Variants in SMAD2 observed in about 807,000 individuals in gnomAD.
SMAD2 encodes MAD homolog 2.
Under a neutral mutation model 64.4 loss-of-function variants are expected in SMAD2, and 8 were observed. The ratio of observed to expected loss-of-function variants is 0.12; its 90% confidence interval spans 0.07 to 0.22. The LOEUF (loss-of-function observed/expected upper bound fraction) is 0.22. SMAD2 is among the 10% of genes least tolerant of loss of function. The pLI, the probability that SMAD2 is intolerant of heterozygous loss-of-function variation, is 1.00. For missense variants in SMAD2, 289 were observed against 561.2 expected (o/e 0.51, Z 4.90); for synonymous variants, 203 against 195.8 (o/e 1.04, Z -0.31).
intron 2 of SMAD2, among the ~76,000 whole-genome samples, chr18:47,876,389 CT>C (rs1318671464): frequency 6.6e-6 from 1 of 151,966 alleles, no homozygotes; most frequent in Non-Finnish European, 1.5e-5. Context: ...AATGATGTCC[CT>C]GCATCAATAT....
chr18:47,922,252 C>T (rs1217595876), intron 1 of SMAD2, among the ~76,000 whole-genome samples: 1 of 152,144 alleles, frequency 6.6e-6, no homozygotes, highest in Admixed American at 6.6e-5. Flanking sequence ...AACAAAAATA[C>T]TTTAAATATG....
intron 2 of SMAD2, among the ~76,000 whole-genome samples, chr18:47,878,706 A>G (rs1458473320): frequency 6.6e-6 from 1 of 152,226 alleles, no homozygotes; most frequent in Non-Finnish European, 1.5e-5. Flanking sequence ...ACAGTTTCTA[A>G]GTATTTATTC....
At chr18:47,885,132 T>TAC (rs57342899) in intron 2 of SMAD2, among the ~76,000 whole-genome samples, 130 of 142,156 alleles carry the variant, frequency 9.1e-4, no homozygotes, top group African/African-American at 2.0e-3. Flanking sequence ...TTTAGTCATA[T>TAC]ACACACACAC....
In SMAD2 at chr18:47,823,052, A is replaced by G. The variant is rs577504185; in HGVS notation, c.*18775T>C. ...AGTTCAATAAAAATCGGCTCTCGTTATAACAGGATACAATTGGAAACACTG... is the reference window on the plus strand; with the variant it reads ...AGTTCAATAAAAATCGGCTCTCGTTGTAACAGGATACAATTGGAAACACTG... On this transcript the variant is annotated 3_prime_UTR_variant, in exon 11 of 11. Coordinates refer to ENST00000262160, the MANE Select transcript of SMAD2 (RefSeq NM_005901.6). The G allele has an allele frequency of 7.2e-5, 11 of 152,346 alleles. No homozygotes were observed. The East Asian group carries it at 9.7e-4, about 13-fold the overall frequency. The allele number at this position is 152,346 out of a possible 1,614,324, so 9.4% of individuals were successfully genotyped here. A position where few individuals can be genotyped will look rare whatever the true frequency, so the allele number is the denominator to read the frequency against.
intron 10 of SMAD2, among the ~76,000 whole-genome samples, chr18:47,842,403 G>A (rs1202815694): frequency 3.9e-5 from 6 of 152,096 alleles, no homozygotes; most frequent in Non-Finnish European, 8.8e-5. Context: ...AGCTGGGCGT[G>A]GTGGCGTGTG....
chr18:47,845,638 T>C (rs184394581), intron 9 of SMAD2, 25 bp downstream of exon 9: 1 of 1,612,760 alleles, frequency 6.2e-7, no homozygotes, highest in East Asian at 2.2e-5. Flanking sequence ...ACATGATAGG[T>C]TTATGTACAT....
intron 1 of SMAD2, among the ~76,000 whole-genome samples, chr18:47,917,024 TTTG>T (rs934630130): frequency 6.6e-6 from 1 of 152,030 alleles, no homozygotes; most frequent in Admixed American, 6.5e-5. Flanking sequence ...TGACACTATT[TTTG>T]TTGTCGTTGT....
chr18:47,885,174 CACACACACATAT>C (rs1320854768), intron 2 of SMAD2, among the ~76,000 whole-genome samples: 2 of 116,396 alleles, frequency 1.7e-5, no homozygotes, highest in African/African-American at 6.1e-5. Context: ...CACACACACA[CACACACACATAT>C]ACCCTCCCCC....
At chr18:47,906,343 A>G (rs191971240) in intron 1 of SMAD2, among the ~76,000 whole-genome samples, 2 of 152,328 alleles carry the variant, frequency 1.3e-5, no homozygotes, top group Non-Finnish European at 2.9e-5. Flanking sequence ...GGATACTCAA[A>G]TCTGTGTATG....
At chr18:47,877,470 A>AT (rs2032331687) in intron 2 of SMAD2, among the ~76,000 whole-genome samples, 1 of 152,078 alleles carries the variant, frequency 6.6e-6, no homozygotes, top group South Asian at 2.1e-4. Context: ...CACTGTAATA[A>AT]TTTTTTTAAG....
chr18:47,901,846 G>C (rs953066109), intron 1 of SMAD2, among the ~76,000 whole-genome samples: 1 of 152,146 alleles, frequency 6.6e-6, no homozygotes, highest in Non-Finnish European at 1.5e-5. Context: ...AGAGACTTCT[G>C]GTTTAGCTCT....
Position 47,834,503 on chromosome 18 carries a change from C to T in SMAD2, c.*7324G>A, listed in dbSNP as rs1434806356. The stretch of plus-strand genomic sequence containing the variant: ...GGTCACCCTGAGAACACTACCCACT[C>T]GTTCCTTAATATCACTAGAGAAAAG... On this transcript the variant is annotated 3_prime_UTR_variant, in exon 11 of 11. Coordinates refer to ENST00000262160, the MANE Select transcript of SMAD2 (RefSeq NM_005901.6). The T allele has an allele frequency of 2.0e-5, 4 of 203,748 alleles. No homozygotes were observed. The highest frequency in any genetic ancestry group is 4.0e-5 in the Non-Finnish European group (4 of 99,290). The allele number at this position is 203,748 out of a possible 1,614,324, so 12.6% of individuals were successfully genotyped here.
chr18:47,902,713 C>G (rs1329684063), intron 1 of SMAD2, among the ~76,000 whole-genome samples: 2 of 152,152 alleles, frequency 1.3e-5, no homozygotes, highest in Non-Finnish European at 2.9e-5. Flanking sequence ...ATAATCAAAA[C>G]TAGCCAGATA....
At chr18:47,885,605 TGG>T (rs2032861030) in intron 2 of SMAD2, among the ~76,000 whole-genome samples, 1 of 152,226 alleles carries the variant, frequency 6.6e-6, no homozygotes, top group Admixed American at 6.5e-5. Context: ...TCTGTATATG[TGG>T]GCTCCACATC....
In SMAD2 at chr18:47,824,696, A is replaced by G. The variant is rs573314716; in HGVS notation, c.*17131T>C. The G allele has an allele frequency of 3.9e-5, 6 of 152,214 alleles. No individual in the cohort carries two copies. The highest frequency in any genetic ancestry group is 1.9e-4 in the East Asian group (1 of 5,198). The allele number at this position is 152,214 out of a possible 1,614,324, so 9.4% of individuals were successfully genotyped here. On this transcript the variant is annotated 3_prime_UTR_variant, in exon 11 of 11. Coordinates refer to ENST00000262160, the MANE Select transcript of SMAD2 (RefSeq NM_005901.6). ...GGGGATATCTGCTTCCAAACACACTAAAGTACAGTATACTCAATTTTAAAT... is the reference window on the plus strand; with the variant it reads ...GGGGATATCTGCTTCCAAACACACTGAAGTACAGTATACTCAATTTTAAAT...
In SMAD2 at chr18:47,832,230, C is replaced by A. The variant is rs1468033133; in HGVS notation, c.*9597G>T. 6.6e-6 allele frequency: 1 copy of A among 152,168 alleles called. No homozygotes were observed. The highest frequency in any genetic ancestry group is 2.4e-5 in the African/African-American group (1 of 41,454). 9.4% of individuals were successfully genotyped at this position (152,168 alleles called of 1,614,324 possible). ...ATGCTAGGGCCATTATAAAAATCTCCTGATACAGAACAGTGTCACTACTTC... is the reference window on the plus strand; with the variant it reads ...ATGCTAGGGCCATTATAAAAATCTCATGATACAGAACAGTGTCACTACTTC... On this transcript the variant is annotated 3_prime_UTR_variant, in exon 11 of 11. Transcript: ENST00000262160.
intron 2 of SMAD2, among the ~76,000 whole-genome samples, chr18:47,889,156 T>C (rs545385674): frequency 4.6e-5 from 7 of 152,206 alleles, no homozygotes; most frequent in African/African-American, 7.2e-5. Flanking sequence ...AGAGACGTTC[T>C]GATTTTAGCC....
At chr18:47,905,090 G>A (rs1404320450) in intron 1 of SMAD2, among the ~76,000 whole-genome samples, 1 of 152,158 alleles carries the variant, frequency 6.6e-6, no homozygotes, top group East Asian at 1.9e-4. Flanking sequence ...ACAGTGATAT[G>A]ACTGTCTCCA....
intron 6 of SMAD2, among the ~76,000 whole-genome samples, chr18:47,851,918 G>A (rs1023462472): frequency 5.3e-5 from 8 of 152,134 alleles, no homozygotes; most frequent in African/African-American, 2.4e-5. Flanking sequence ...CTGCCAGGTC[G>A]AAAGGTTTGT....
Sources: allele counts gnomAD v4.1 joint callset (sites outside exome capture counted in the v4.1 genomes callset), GRCh38; gene constraint gnomAD v4.1.1; transcripts MANE v1.5; gene names NCBI Gene and HGNC (gene_info 2026-07-23, HGNC 2026-07-21).